The following PHACTR3 variants were observed in gnomAD, a reference collection of about 807,000 sequenced individuals.
The protein encoded by PHACTR3 is protein phosphatase 1, regulatory subunit 123.
In PHACTR3, 16 loss-of-function variants were observed where a neutral mutation model predicts 66.8. That is an observed-to-expected ratio of 0.24 (90% CI 0.16 to 0.36). The LOEUF (loss-of-function observed/expected upper bound fraction) is 0.36. PHACTR3 is among the 10% of genes least tolerant of loss of function. PHACTR3 has a pLI of 1.00. For synonymous variants in PHACTR3, 323 were observed against 292.1 expected, an observed-to-expected ratio of 1.11 and a Z score of -1.08; for missense variants, 647 against 719.9, an observed-to-expected ratio of 0.90 and a Z score of 1.16.
At chr20:59,599,336 A>G (rs1252305702) in intron 1 of PHACTR3, among the ~76,000 whole-genome samples, 1 of 152,220 alleles carries the variant, frequency 6.6e-6, no homozygotes, top group African/African-American at 2.4e-5. Flanking sequence ...CATTGCCACC[A>G]TCCAGGTCCT....
chr20:59,589,555 T>C (rs1166282242), intron 1 of PHACTR3, among the ~76,000 whole-genome samples: 1 of 152,212 alleles, frequency 6.6e-6, no homozygotes, highest in African/African-American at 2.4e-5. Flanking sequence ...TTTTGAATGG[T>C]TACTCTGTAA....
At chr20:59,612,515 G>T (rs2033885155) in intron 1 of PHACTR3, among the ~76,000 whole-genome samples, 1 of 152,118 alleles carries the variant, frequency 6.6e-6, no homozygotes, top group African/African-American at 2.4e-5. Flanking sequence ...CTCCCGAGTG[G>T]CTGGGACTAC....
intron 1 of PHACTR3, among the ~76,000 whole-genome samples, chr20:59,664,681 A>G (rs2035926151): frequency 6.6e-6 from 1 of 152,240 alleles, no homozygotes; most frequent in Non-Finnish European, 1.5e-5. Context: ...GCCTTGGCAA[A>G]GGCCAAAGGG....
chr20:59,736,807 A>C lies in PHACTR3; in HGVS notation c.119-6300A>C, dbSNP rs921889953. ...TTGGGCGGAGAGTCATAGCTCTCAC[A>C]AGCCCTCCCCTGGCACAGTCCTGGG... On this transcript the variant is annotated intron_variant, in intron 1 of 12. Transcript: ENST00000371015. The surrounding 1 kb of genome is among the most constrained non-coding windows in gnomAD (Gnocchi z 4.6). 6.6e-6 allele frequency among the ~76,000 whole-genome samples: 1 copy of C among 152,130 alleles called. No homozygotes were observed. The highest frequency in any genetic ancestry group is 6.5e-5 in the Admixed American group (1 of 15,290).
At chr20:59,679,278 G>A (rs2036562585) in intron 1 of PHACTR3, among the ~76,000 whole-genome samples, 1 of 152,114 alleles carries the variant, frequency 6.6e-6, no homozygotes, top group African/African-American at 2.4e-5. Context: ...TATTTAGGGA[G>A]GATGAAGCAT....
At chr20:59,812,583 T>C (rs1397979977) in intron 8 of PHACTR3, among the ~76,000 whole-genome samples, 1 of 152,146 alleles carries the variant, frequency 6.6e-6, no homozygotes, top group African/African-American at 2.4e-5. Flanking sequence ...GAGGCTGTGG[T>C]TTGGGCTGCA....
intron 1 of PHACTR3, among the ~76,000 whole-genome samples, chr20:59,704,066 C>A (rs1487509533): frequency 6.6e-6 from 1 of 152,098 alleles, no homozygotes; most frequent in African/African-American, 2.4e-5. Context: ...CAGTGAAATT[C>A]TTGGGTTAAA....
chr20:59,635,355 A>C (rs73301470), intron 1 of PHACTR3, among the ~76,000 whole-genome samples: 3,796 of 149,238 alleles, frequency 0.025, 197 homozygotes, highest in African/African-American at 0.088. Context: ...TTGTCTCAGC[A>C]TCCCAATAGT....
chr20:59,773,472 A>G lies in PHACTR3; in HGVS notation c.926+19A>G. The stretch of plus-strand genomic sequence containing the variant: ...AGGACAGGTGAGGCCCTGCCCCATG[A>G]GGGAGACCTGTGCTGCCAGAATCCC... On this transcript the variant is annotated intron_variant, in intron 6 of 12. Transcript: ENST00000371015. The G allele has an allele frequency of 4.4e-6, 7 of 1,582,844 alleles. No homozygotes were observed. Among genetic ancestry groups the G allele is most frequent in the Non-Finnish European group, 6.0e-6 (7 of 1,166,188 alleles).
Position 59,743,258 on chromosome 20 carries a change from G to C in PHACTR3, c.270G>C (p.Gln90His), listed in dbSNP as rs889359808. The change falls in exon 2 of 13, where the codon CAG (glutamine) becomes CAC (histidine). Residue 90 changes from glutamine to histidine, a missense_variant. By Grantham distance (24) the Gln-to-His change is conservative. Around this residue, in one of 2 missense-constraint regions of PHACTR3, gnomAD observed 577 missense variants for 571.1 expected, o/e 1.01. Coordinates refer to ENST00000371015, the MANE Select transcript of PHACTR3 (RefSeq NM_080672.5). ...AAAAGAAAAACGAAAAACTGAAGCA[G>C]ACAACGTCAGGTAAAGGCCTGGTGA... ...WRKKKNEKLK[Q>H]TTSALEKKMA... 1 of 1,613,884 alleles carries C rather than the reference G, an allele frequency of 6.2e-7. No individual in the cohort carries two copies.
At chr20:59,708,286 T>C (rs1212572270) in intron 1 of PHACTR3, among the ~76,000 whole-genome samples, 1 of 152,168 alleles carries the variant, frequency 6.6e-6, no homozygotes, top group African/African-American at 2.4e-5. Flanking sequence ...TGCCTGTGTC[T>C]CTCTAATTCG....
intron 1 of PHACTR3, chr20:59,676,879 G>A (rs1478878874): frequency 4.5e-6 from 1 of 221,860 alleles, no homozygotes; most frequent in Non-Finnish European, 6.6e-6. Context: ...GGCCCTAAGA[G>A]AATGGCTTTT....
At position 59,845,065 on chromosome 20, in the gene PHACTR3, GT is replaced by G. The variant is rs199808725; in HGVS notation, c.1588-117del. On this transcript the variant is annotated intron_variant, in intron 11 of 12. Coordinates refer to ENST00000371015, the MANE Select transcript of PHACTR3 (RefSeq NM_080672.5). ...TTAATGATGAACCAAAAAATTGTTTGTTTTTTTCTGTATATTACATAATAGA... is the reference window on the plus strand; with the variant it reads ...TTAATGATGAACCAAAAAATTGTTTGTTTTTTCTGTATATTACATAATAGA... 2,510 of 591,536 alleles carry G rather than the reference GT, an allele frequency of 4.2e-3. 60 individuals carry two copies. The African/African-American group carries it at 0.043, about 10-fold the overall frequency. 36.6% of individuals were successfully genotyped at this position (591,536 alleles called of 1,614,324 possible). A position where few individuals can be genotyped will look rare whatever the true frequency, so the allele number is the denominator to read the frequency against.
chr20:59,799,877 T>C (rs1310782496), intron 7 of PHACTR3, among the ~76,000 whole-genome samples: 1 of 152,186 alleles, frequency 6.6e-6, no homozygotes, highest in Non-Finnish European at 1.5e-5. Flanking sequence ...TTCCATCTTT[T>C]CTATCTTTCT....
At chr20:59,693,099 A>C (rs2037169817) in intron 1 of PHACTR3, among the ~76,000 whole-genome samples, 1 of 151,536 alleles carries the variant, frequency 6.6e-6, no homozygotes, top group African/African-American at 2.4e-5. Context: ...AGATTCCTTA[A>C]CCCCTTTATG....
chr20:59,744,874 G>C (rs1316338008), intron 2 of PHACTR3, among the ~76,000 whole-genome samples: 1 of 152,206 alleles, frequency 6.6e-6, no homozygotes, highest in Non-Finnish European at 1.5e-5. Context: ...AAGTGAACCA[G>C]CACGTGAGTC....
At chr20:59,700,088 T>C (rs1390872136) in intron 1 of PHACTR3, among the ~76,000 whole-genome samples, 1 of 152,254 alleles carries the variant, frequency 6.6e-6, no homozygotes, top group Non-Finnish European at 1.5e-5. Flanking sequence ...TTCTTGTGGA[T>C]TTATTCGTGT....
At chr20:59,691,616 T>G (rs2037110325) in intron 1 of PHACTR3, among the ~76,000 whole-genome samples, 1 of 152,174 alleles carries the variant, frequency 6.6e-6, no homozygotes, top group African/African-American at 2.4e-5. Context: ...CTCTTGCAGC[T>G]TTTTCTAGTT....
At chr20:59,672,847 A>G (rs755996918) in intron 1 of PHACTR3, among the ~76,000 whole-genome samples, 1 of 152,156 alleles carries the variant, frequency 6.6e-6, no homozygotes, top group Non-Finnish European at 1.5e-5. Context: ...CCTTTGGTGT[A>G]TGGACTCCAG....
Sources: allele counts gnomAD v4.1 joint callset (sites outside exome capture counted in the v4.1 genomes callset), GRCh38; gene constraint gnomAD v4.1.1; regional missense constraint gnomAD v4.1.1; non-coding constraint Gnocchi (gnomAD v3.1); transcripts MANE v1.5; gene names NCBI Gene and HGNC (gene_info 2026-07-23, HGNC 2026-07-21).